CATSPERE: variants seen among roughly 807,000 people sequenced by gnomAD.
CATSPERE encodes the protein catsper channel auxiliary subunit epsilon.
A neutral mutation model predicts 114.1 loss-of-function variants in CATSPERE; 93 were observed. That is an observed-to-expected ratio of 0.81 (90% CI 0.69 to 0.97). The LOEUF (loss-of-function observed/expected upper bound fraction) is 0.97, where lower values mean the gene tolerates loss of function less well. Among genes scored for constraint, CATSPERE ranks in the 50% least tolerant of loss-of-function variants. The probability of loss-of-function intolerance (pLI) is 0.00; values close to 1 mark genes in which losing one functional copy is unlikely to be tolerated. For synonymous variants in CATSPERE, 341 were observed against 384.1 expected, an observed-to-expected ratio of 0.89 and a Z score of 1.31; for missense variants, 1,058 against 1,131.6, an observed-to-expected ratio of 0.93 and a Z score of 0.93.
upstream of CATSPERE, among the ~76,000 whole-genome samples, chr1:244,460,601 T>A (rs756751617): frequency 7.9e-5 from 12 of 152,320 alleles, no homozygotes; most frequent in Admixed American, 3.3e-4. Context: ...ATAAATAAAT[T>A]AATTAAATAA....
At chr1:244,542,934 A>G (rs1045591242) in intron 8 of CATSPERE, among the ~76,000 whole-genome samples, 2 of 152,240 alleles carry the variant, frequency 1.3e-5, no homozygotes. Context: ...TACCTATTAG[A>G]GTGACTTTTA....
rs140733743 is a variant in CATSPERE, at chr1:244,598,659, A to C, written c.2303+5081A>C. 1,786 of 278,152 alleles carry C rather than the reference A, an allele frequency of 6.4e-3. 13 individuals carry two copies. Among genetic ancestry groups the C allele is most frequent in the Non-Finnish European group, 8.7e-3 (1,148 of 132,292 alleles). The allele number at this position is 278,152 out of a possible 1,614,324, so 17.2% of individuals were successfully genotyped here. A position where few individuals can be genotyped will look rare whatever the true frequency, so the allele number is the denominator to read the frequency against. On this transcript the variant is annotated intron_variant, in intron 17 of 21. Transcript: ENST00000366534. ...GCACTGGACACACTTCTAAACAAAA[A>C]CACTTTTGCTTTTTTCAACATCACC...
chr1:244,493,663 A>C (rs890202853), intron 6 of CATSPERE, among the ~76,000 whole-genome samples: 1 of 152,212 alleles, frequency 6.6e-6, no homozygotes, highest in African/African-American at 2.4e-5. Flanking sequence ...GTGAACAGGC[A>C]ACCTACAAAA....
intron 8 of CATSPERE, among the ~76,000 whole-genome samples, chr1:244,526,648 TTC>T (rs1206179748): frequency 7.1e-6 from 1 of 140,888 alleles, no homozygotes; most frequent in African/African-American, 3.0e-5. Context: ...CTTAGTCTTT[TTC>T]TTTTTTTTTT....
At chr1:244,583,809 G>A in intron 12 of CATSPERE, 55 bp from the exon 13 acceptor site, 1 of 1,527,410 alleles carries the variant, frequency 6.5e-7, no homozygotes, top group Non-Finnish European at 9.0e-7. Context: ...CAGAAAGACA[G>A]TGTCATGCCT....
intron 6 of CATSPERE, among the ~76,000 whole-genome samples, chr1:244,492,452 A>G (rs1270023906): frequency 1.1e-4 from 16 of 141,798 alleles, no homozygotes; most frequent in Admixed American, 2.9e-4. Context: ...TCTCAAAATA[A>G]TAAGAGCTAT....
intron 20 of CATSPERE, among the ~76,000 whole-genome samples, chr1:244,619,424 TA>T (rs1177454867): frequency 6.6e-6 from 1 of 152,208 alleles, no homozygotes; most frequent in African/African-American, 2.4e-5. Context: ...AGAGAGGTCC[TA>T]AACATGTTCT....
intron 2 of CATSPERE, among the ~76,000 whole-genome samples, chr1:244,470,153 C>T (rs1327245202): frequency 4.6e-5 from 7 of 152,034 alleles, no homozygotes; most frequent in Admixed American, 3.9e-4. Flanking sequence ...TGCTCACAAG[C>T]ACAAGCAACA....
chr1:244,570,340 G>GT, intron 10 of CATSPERE, among the ~76,000 whole-genome samples: 1 of 151,974 alleles, frequency 6.6e-6, no homozygotes, highest in Non-Finnish European at 1.5e-5. Context: ...AAGAGATTGT[G>GT]TTTTTTTAGG....
At chr1:244,610,515 G>A in intron 19 of CATSPERE, 189 bp downstream of exon 19, 1 of 681,258 alleles carries the variant, frequency 1.5e-6, no homozygotes. Flanking sequence ...ATCTTTTGTT[G>A]GTTCTGTGTT....
intron 10 of CATSPERE, among the ~76,000 whole-genome samples, chr1:244,571,961 C>T (rs1385308873): frequency 1.3e-5 from 2 of 152,144 alleles, no homozygotes; most frequent in East Asian, 1.9e-4. Flanking sequence ...TCTCATTGGA[C>T]GTTAGGGCTT....
chr1:244,498,170 A>G (rs919249392), intron 6 of CATSPERE, among the ~76,000 whole-genome samples: 4 of 152,240 alleles, frequency 2.6e-5, no homozygotes, highest in African/African-American at 9.6e-5. Context: ...CATAATTTAG[A>G]ATAACATCCA....
At position 244,573,552 on chromosome 1, in the gene CATSPERE, A is replaced by G. The variant is rs1664792809; in HGVS notation, c.1950+780A>G. ...TGTGGGCATCTGCTAATTCGTCTGC[A>G]ACTACATGACCTAAGATGGCCTCAT... On this transcript the variant is annotated intron_variant, in intron 11 of 21. Transcript: ENST00000366534. The surrounding 1 kb of genome is among the most constrained non-coding windows in gnomAD (Gnocchi z 4.0). Among the ~76,000 whole-genome samples the G allele has an allele frequency of 6.6e-6, 1 of 152,208 alleles. No individual in the cohort carries two copies. The highest frequency in any genetic ancestry group is 1.5e-5 in the Non-Finnish European group (1 of 68,024).
chr1:244,498,510 C>A (rs536478056), intron 6 of CATSPERE, among the ~76,000 whole-genome samples: 1 of 152,118 alleles, frequency 6.6e-6, no homozygotes, highest in Admixed American at 6.5e-5. Context: ...ATTGAACTCT[C>A]ATCAAGTGAC....
At chr1:244,540,097 C>T (rs1230068900) in intron 8 of CATSPERE, among the ~76,000 whole-genome samples, 1 of 150,916 alleles carries the variant, frequency 6.6e-6, no homozygotes, top group Non-Finnish European at 1.5e-5. Context: ...AAAACTGGCA[C>T]AAGACAGGGA....
At chr1:244,510,812 C>CTTTTTTTTTTT (rs112249943) in intron 7 of CATSPERE, among the ~76,000 whole-genome samples, 1 of 84,276 alleles carries the variant, frequency 1.2e-5, no homozygotes, top group African/African-American at 4.0e-5. Context: ...ACATTTCTTT[C>CTTTTTTTTTTT]TTTTTTTTTT....
intron 8 of CATSPERE, among the ~76,000 whole-genome samples, chr1:244,519,106 TAG>T (rs1218016461): frequency 6.6e-6 from 1 of 152,196 alleles, no homozygotes; most frequent in Non-Finnish European, 1.5e-5. Context: ...TCACAAGGTA[TAG>T]ACAGACTTTC....
chr1:244,495,772 G>A (rs1672986772), intron 6 of CATSPERE, among the ~76,000 whole-genome samples: 1 of 152,016 alleles, frequency 6.6e-6, no homozygotes, highest in Admixed American at 6.6e-5. Context: ...TCTGTAAAAT[G>A]GGGACTGGTA....
chr1:244,470,982 A>G (rs939726326), intron 2 of CATSPERE, among the ~76,000 whole-genome samples: 12 of 152,236 alleles, frequency 7.9e-5, no homozygotes, highest in Admixed American at 2.6e-4. Context: ...AGAGACAGAA[A>G]GTAAGTTAGT....
Sources: allele counts gnomAD v4.1 joint callset (sites outside exome capture counted in the v4.1 genomes callset), GRCh38; gene constraint gnomAD v4.1.1; non-coding constraint Gnocchi (gnomAD v3.1); transcripts MANE v1.5; gene names NCBI Gene and HGNC (gene_info 2026-07-23, HGNC 2026-07-21).